Variants in MYO5B observed in about 807,000 individuals in gnomAD.
MYO5B encodes unconventional myosin-Vb.
In MYO5B, 143 loss-of-function variants were observed where a neutral mutation model predicts 229.3. The observed-to-expected ratio is 0.62, with a 90% CI of 0.54 to 0.72. MYO5B has a LOEUF of 0.72. Among genes scored for constraint, MYO5B ranks in the 30% least tolerant of loss-of-function variants. The pLI, the probability that MYO5B is intolerant of heterozygous loss-of-function variation, is 0.00. For missense variants in MYO5B, 2,321 were observed against 2,331.0 expected, an observed-to-expected ratio of 1.00 and a Z score of 0.09; for synonymous variants, 918 against 885.2, an observed-to-expected ratio of 1.04 and a Z score of -0.66.
intron 1 of MYO5B, among the ~76,000 whole-genome samples, chr18:50,153,560 C>T (rs1396161472): frequency 1.3e-5 from 2 of 152,188 alleles, no homozygotes; most frequent in Admixed American, 6.5e-5. Flanking sequence ...AAGCGATTCT[C>T]CTGCTCAGCC....
At chr18:49,832,371 C>T (rs2023932882) in intron 39 of MYO5B, among the ~76,000 whole-genome samples, 4 of 152,210 alleles carry the variant, frequency 2.6e-5, no homozygotes, top group African/African-American at 9.7e-5. Context: ...CCTGCCCATG[C>T]ATTAACCATT....
chr18:49,974,804 C>CAG (rs2025731937), intron 9 of MYO5B, among the ~76,000 whole-genome samples, 189 bp from the exon 10 acceptor site: 5 of 149,006 alleles, frequency 3.4e-5, no homozygotes, highest in African/African-American at 1.3e-4. Flanking sequence ...CACAGACACA[C>CAG]ACACACACAC....
intron 1 of MYO5B, among the ~76,000 whole-genome samples, chr18:50,094,010 G>C (rs146761018): frequency 1.6e-3 from 238 of 152,192 alleles, no homozygotes; most frequent in Non-Finnish European, 3.0e-3. Context: ...CTCTGCCTTC[G>C]GAGTAACCAC....
At chr18:49,869,323 C>A (rs2024432280) in intron 27 of MYO5B, among the ~76,000 whole-genome samples, 1 of 152,148 alleles carries the variant, frequency 6.6e-6, no homozygotes, top group African/African-American at 2.4e-5. Context: ...TGGGCTGGGC[C>A]TGGTTGAGAA....
At chr18:49,870,970 G>A (rs2024449750) in intron 27 of MYO5B, among the ~76,000 whole-genome samples, 1 of 151,938 alleles carries the variant, frequency 6.6e-6, no homozygotes, top group South Asian at 2.1e-4. Flanking sequence ...CTGAAAGCAG[G>A]GTCTCAAAGA....
At chr18:50,143,573 T>C (rs573810120) in intron 1 of MYO5B, among the ~76,000 whole-genome samples, 8 of 152,128 alleles carry the variant, frequency 5.3e-5, no homozygotes, top group Non-Finnish European at 1.2e-4. Flanking sequence ...CACACCAATA[T>C]TTATCTGGAT....
chr18:50,082,350 A>C (rs1347239013), intron 1 of MYO5B, among the ~76,000 whole-genome samples: 1 of 152,242 alleles, frequency 6.6e-6, no homozygotes, highest in Non-Finnish European at 1.5e-5. Flanking sequence ...GTTGACCTGG[A>C]AACAGTGACC....
intron 22 of MYO5B, among the ~76,000 whole-genome samples, chr18:49,888,824 C>A (rs1019046671): frequency 2.6e-5 from 4 of 152,200 alleles, no homozygotes; most frequent in African/African-American, 9.6e-5. Context: ...AGCTCTTGAC[C>A]GGCACTCTCC....
intron 5 of MYO5B, among the ~76,000 whole-genome samples, chr18:49,996,366 T>C (rs1453103985): frequency 6.6e-6 from 1 of 152,238 alleles, no homozygotes; most frequent in Non-Finnish European, 1.5e-5. Flanking sequence ...TAGGCAAGAA[T>C]GTTCCATTCA....
At position 50,131,219 on chromosome 18, in the gene MYO5B, G is replaced by A. The variant is rs557808598; in HGVS notation, c.27+63548C>T. On this transcript the variant is annotated intron_variant, in intron 1 of 39. Transcript: ENST00000285039. ...AATGCATAGAAACTTAGTCCTGAAA[G>A]GGAGTCCTAATTTGAAAACTATTTG... Among the ~76,000 whole-genome samples the A allele has an allele frequency of 2.0e-5, 3 of 152,326 alleles. No individual in the cohort carries two copies. The East Asian group carries it at 5.8e-4, about 29-fold the overall frequency.
At chr18:50,149,155 C>T (rs964368828) in intron 1 of MYO5B, among the ~76,000 whole-genome samples, 1 of 152,280 alleles carries the variant, frequency 6.6e-6, no homozygotes, top group African/African-American at 2.4e-5. Context: ...TCAAGGAGAA[C>T]TACAAACCAC....
intron 10 of MYO5B, among the ~76,000 whole-genome samples, chr18:49,967,071 G>T (rs530580846): frequency 7.6e-4 from 115 of 152,174 alleles, no homozygotes; most frequent in Non-Finnish European, 1.5e-3. Flanking sequence ...TAAAATCAGT[G>T]TTGAAAATAT....
At chr18:50,045,446 T>G (rs1367433534) in intron 2 of MYO5B, among the ~76,000 whole-genome samples, 1 of 152,120 alleles carries the variant, frequency 6.6e-6, no homozygotes, top group South Asian at 2.1e-4. Context: ...CAGCCTGGAG[T>G]GCAATGAGGC....
At chr18:49,988,437 T>C (rs1264869020) in intron 7 of MYO5B, among the ~76,000 whole-genome samples, 1 of 151,966 alleles carries the variant, frequency 6.6e-6, no homozygotes, top group East Asian at 1.9e-4. Context: ...AATTGGGTAG[T>C]TTTCAAGTGC....
intron 1 of MYO5B, among the ~76,000 whole-genome samples, chr18:50,074,951 T>G (rs1034350012): frequency 2.0e-5 from 3 of 151,686 alleles, no homozygotes; most frequent in African/African-American, 4.9e-5. Flanking sequence ...CTCCCGAGTA[T>G]CTGGGATTAC....
chr18:49,882,897 G>A (rs991688023), intron 22 of MYO5B, among the ~76,000 whole-genome samples: 5 of 152,076 alleles, frequency 3.3e-5, no homozygotes, highest in African/African-American at 1.2e-4. Context: ...TATGAGGCCA[G>A]TGTTACTCTG....
intron 7 of MYO5B, among the ~76,000 whole-genome samples, chr18:49,985,708 A>G (rs966399955): frequency 2.6e-5 from 4 of 152,198 alleles, no homozygotes; most frequent in African/African-American, 9.6e-5. Flanking sequence ...TGGTTTTGAT[A>G]GAATGTCAAA....
At chr18:50,063,466 T>C (rs1223634179) in intron 1 of MYO5B, among the ~76,000 whole-genome samples, 1 of 152,160 alleles carries the variant, frequency 6.6e-6, no homozygotes, top group African/African-American at 2.4e-5. Context: ...GCTGCTGTTT[T>C]CTCTTAAATG....
intron 4 of MYO5B, among the ~76,000 whole-genome samples, chr18:50,029,297 A>G (rs2144370540): frequency 6.6e-6 from 1 of 152,324 alleles, no homozygotes; most frequent in Non-Finnish European, 1.5e-5. Flanking sequence ...AAGAACAGGG[A>G]CAAGTGAACA....
Sources: allele counts gnomAD v4.1 joint callset (sites outside exome capture counted in the v4.1 genomes callset), GRCh38; gene constraint gnomAD v4.1.1; transcripts MANE v1.5; gene names NCBI Gene and HGNC (gene_info 2026-07-23, HGNC 2026-07-21).